The following KCNC1 variants were observed in gnomAD, a reference collection of about 807,000 sequenced individuals.
KCNC1 encodes the protein voltage-gated potassium channel KCNC1.
In KCNC1, 8 loss-of-function variants were observed where a neutral mutation model predicts 43.4. The ratio of observed to expected loss-of-function variants is 0.18; its 90% CI spans 0.11 to 0.33. The LOEUF is 0.33. KCNC1 is among the 10% of genes least tolerant of loss of function. The pLI is 1.00. For missense variants in KCNC1, 420 were observed against 836.0 expected, an observed-to-expected ratio of 0.50 and a Z score of 6.14; for synonymous variants, 361 against 360.5, an observed-to-expected ratio of 1.00 and a Z score of -0.01.
intron 1 of KCNC1, among the ~76,000 whole-genome samples, chr11:17,764,943 A>T (rs1240356301): frequency 6.6e-6 from 1 of 152,212 alleles, no homozygotes; most frequent in African/African-American, 2.4e-5. Context: ...CGCATGGATT[A>T]ACTCAAAGGC....
intron 1 of KCNC1, among the ~76,000 whole-genome samples, chr11:17,752,429 C>T (rs1314791066): frequency 6.6e-6 from 1 of 152,228 alleles, no homozygotes. Flanking sequence ...AGCTCCAGCA[C>T]ACACAAGACT....
In KCNC1 at chr11:17,742,919, G is replaced by T. The variant is rs548474610; in HGVS notation, c.570+6347G>T. On this transcript the variant is annotated intron_variant, in intron 1 of 3. Coordinates refer to ENST00000265969, the MANE Select transcript of KCNC1 (RefSeq NM_001112741.2). This position sits in a 1 kb window ranked among gnomAD's most constrained non-coding sequence, Gnocchi z 4.2. ...ATCTACTCCCATTAATTTCCTTCCT[G>T]GGGGAAGTGGAATACACAGATACCT... is the stretch of plus-strand genomic sequence containing the variant. Among the ~76,000 whole-genome samples the T allele has an allele frequency of 9.7e-4, 147 of 152,222 alleles. No homozygotes were observed. Among genetic ancestry groups the T allele is most frequent in the African/African-American group, 3.4e-3 (143 of 41,516 alleles).
intron 1 of KCNC1, among the ~76,000 whole-genome samples, chr11:17,764,345 T>C (rs779209847): frequency 1.0e-4 from 15 of 146,878 alleles, no homozygotes; most frequent in Non-Finnish European, 1.8e-4. Flanking sequence ...TCCATATGTG[T>C]TCCCCACACA....
chr11:17,735,905 G>A lies in KCNC1; in HGVS notation c.-98G>A, dbSNP rs1848759578. 3.0e-6 allele frequency: 4 copies of A among 1,322,790 alleles called. No individual in the cohort carries two copies. The highest frequency in any genetic ancestry group is 1.6e-5 in the African/African-American group (1 of 63,266). The allele number at this position is 1,322,790 out of a possible 1,614,324, so 81.9% of individuals were successfully genotyped here. On this transcript the variant is annotated 5_prime_UTR_variant, in exon 1 of 4. Coordinates refer to ENST00000265969, the MANE Select transcript of KCNC1 (RefSeq NM_001112741.2). The surrounding 1 kb of genome is among the most constrained non-coding windows in gnomAD (Gnocchi z 6.7). ...TTCCCCCCGACGGCTGGGGGGAGGG[G>A]GGAAGAGGGCGCGCGCCCCCCTCCC...
chr11:17,772,931 C>A, intron 2 of KCNC1: 1 of 1,188,480 alleles, frequency 8.4e-7, no homozygotes, highest in Non-Finnish European at 1.0e-6. Context: ...GGCAGGAGTC[C>A]GGTGTGAGTC....
chr11:17,747,064 T>C (rs2133784492), intron 1 of KCNC1, among the ~76,000 whole-genome samples: 1 of 152,274 alleles, frequency 6.6e-6, no homozygotes, highest in Admixed American at 6.5e-5. Context: ...CCCACCTGTT[T>C]CCTTCTTTTA....
chr11:17,774,573 C>G (rs1849265011), intron 2 of KCNC1: 3 of 985,492 alleles, frequency 3.0e-6, no homozygotes, highest in African/African-American at 1.7e-5. Flanking sequence ...CAGCTAATCC[C>G]AGGACACAAA....
At chr11:17,738,500 A>G (rs1848796760) in intron 1 of KCNC1, among the ~76,000 whole-genome samples, 2 of 152,140 alleles carry the variant, frequency 1.3e-5, no homozygotes, top group South Asian at 2.1e-4. Flanking sequence ...CTGACTCCCA[A>G]GCAAGAGGCT....
intron 1 of KCNC1, among the ~76,000 whole-genome samples, chr11:17,746,684 CCTT>C (rs1219307118): frequency 3.3e-5 from 5 of 152,294 alleles, no homozygotes; most frequent in South Asian, 2.1e-4. Context: ...CTTTGGGCCT[CCTT>C]CTGCATTCAG....
chr11:17,765,835 T>C (rs1849144058), intron 1 of KCNC1: 1 of 152,312 alleles, frequency 6.6e-6, no homozygotes, highest in Admixed American at 6.5e-5. Flanking sequence ...GCCTGGATCC[T>C]GGGTGTGGTG....
intron 1 of KCNC1, among the ~76,000 whole-genome samples, chr11:17,751,229 GTGGTTCTA>G (rs531400033): frequency 6.9e-4 from 105 of 152,340 alleles, no homozygotes; most frequent in African/African-American, 2.4e-3. Flanking sequence ...CTGGGATGCT[GTGGTTCTA>G]TGGTTAAAAA....
Position 17,777,374 on chromosome 11 carries a change from G to C in KCNC1, c.1505-2082G>C. 4.1e-6 allele frequency: 4 copies of C among 985,872 alleles called. No individual in the cohort carries two copies. The highest frequency in any genetic ancestry group is 4.8e-6 in the Non-Finnish European group (4 of 829,990). The allele number at this position is 985,872 out of a possible 1,614,324, so 61.1% of individuals were successfully genotyped here. On this transcript the variant is annotated intron_variant, in intron 2 of 3. Coordinates refer to ENST00000265969, the MANE Select transcript of KCNC1 (RefSeq NM_001112741.2). This position sits in a 1 kb window ranked among gnomAD's most constrained non-coding sequence, Gnocchi z 4.3. The stretch of plus-strand genomic sequence containing the variant: ...CCCTCCCAGAAGGAGACGCTGCCTG[G>C]GAGGACCCACTGTTCTCCCCTTGAG...
chr11:17,772,743 C>T, intron 2 of KCNC1, 145 bp downstream of exon 2: 1 of 1,496,910 alleles, frequency 6.7e-7, no homozygotes, highest in Non-Finnish European at 8.9e-7. Flanking sequence ...AGCCTGGGGG[C>T]CCAGGGAGAT....
At chr11:17,778,621 C>T (rs974083273) in intron 2 of KCNC1, among the ~76,000 whole-genome samples, 8 of 152,178 alleles carry the variant, frequency 5.3e-5, no homozygotes, top group Non-Finnish European at 1.0e-4. Context: ...AGCTTGGGTC[C>T]GTCCATGTGG....
At chr11:17,770,139 T>TG (rs1437271330) in intron 1 of KCNC1, among the ~76,000 whole-genome samples, 1 of 152,030 alleles carries the variant, frequency 6.6e-6, no homozygotes, top group Non-Finnish European at 1.5e-5. Context: ...ACCCCCTGGG[T>TG]GGGGGAGGGG....
intron 1 of KCNC1, among the ~76,000 whole-genome samples, chr11:17,758,255 C>G (rs1849042561): frequency 6.6e-6 from 1 of 152,230 alleles, no homozygotes; most frequent in African/African-American, 2.4e-5. Flanking sequence ...CATGAGATTG[C>G]AGCAATTCAG....
intron 1 of KCNC1, among the ~76,000 whole-genome samples, chr11:17,766,997 G>A (rs940617819): frequency 5.9e-5 from 9 of 151,662 alleles, no homozygotes; most frequent in Middle Eastern, 3.2e-3. Context: ...AGCCGGGCGT[G>A]GTGGTGGCAC....
At chr11:17,769,329 A>G (rs779926611) in intron 1 of KCNC1, among the ~76,000 whole-genome samples, 10 of 146,474 alleles carry the variant, frequency 6.8e-5, no homozygotes, top group Non-Finnish European at 1.4e-4. Flanking sequence ...GAAGGGAGGG[A>G]TGGAGGGAGG....
Position 17,736,974 on chromosome 11 carries a change from A to AGAGAGAG in KCNC1, c.570+402_570+403insGAGAGAG, listed in dbSNP as rs1848775259. 6.6e-6 allele frequency among the ~76,000 whole-genome samples: 1 copy of AGAGAGAG among 152,154 alleles called. No individual in the cohort carries two copies. The highest frequency in any genetic ancestry group is 1.5e-5 in the Non-Finnish European group (1 of 68,024). On this transcript the variant is annotated intron_variant, in intron 1 of 3. Coordinates refer to ENST00000265969, the MANE Select transcript of KCNC1 (RefSeq NM_001112741.2). This position sits in a 1 kb window ranked among gnomAD's most constrained non-coding sequence, Gnocchi z 9.3. ...GTGTCTTTGCAGAGGTGCACTGTCAAAGTATGGACTGCTCTCGAGATTTCA... is the reference window on the plus strand; with the variant it reads ...GTGTCTTTGCAGAGGTGCACTGTCAAGAGAGAGAGTATGGACTGCTCTCGAGATTTCA...
Sources: allele counts gnomAD v4.1 joint callset (sites outside exome capture counted in the v4.1 genomes callset), GRCh38; gene constraint gnomAD v4.1.1; non-coding constraint Gnocchi (gnomAD v3.1); transcripts MANE v1.5; gene names NCBI Gene and HGNC (gene_info 2026-07-23, HGNC 2026-07-21).